The following MFSD6 variants were observed in gnomAD, a reference collection of about 807,000 sequenced individuals.
MFSD6 encodes major facilitator superfamily domain containing 6, also known as major facilitator superfamily domain-containing protein 6.
Under a neutral mutation model 56.3 loss-of-function variants are expected in MFSD6, and 26 were observed. The observed-to-expected ratio is 0.46, with a 90% CI of 0.34 to 0.64. The LOEUF (loss-of-function observed/expected upper bound fraction) is 0.64. MFSD6 is among the 30% of genes least tolerant of loss of function. The probability of loss-of-function intolerance (pLI) is 0.01; values close to 1 mark genes in which losing one functional copy is unlikely to be tolerated. For synonymous variants in MFSD6, 331 were observed against 366.9 expected, an observed-to-expected ratio of 0.90 and a Z score of 1.12; for missense variants, 750 against 986.2, an observed-to-expected ratio of 0.76 and a Z score of 3.21.
chr2:190,440,138 T>C (rs1013722384), intron 3 of MFSD6, among the ~76,000 whole-genome samples: 2 of 152,210 alleles, frequency 1.3e-5, no homozygotes, highest in African/African-American at 2.4e-5. Context: ...TTTTTAGGAG[T>C]TGGCACTACC....
chr2:190,473,417 AAAAG>A (rs1385855063), intron 4 of MFSD6, among the ~76,000 whole-genome samples: 1 of 152,220 alleles, frequency 6.6e-6, no homozygotes, highest in Non-Finnish European at 1.5e-5. Context: ...GGAAAACAAA[AAAAG>A]GCAGGGGTTG....
In MFSD6 at chr2:190,477,900, G is replaced by A. The variant is rs143516251; in HGVS notation, c.1630+8045G>A. Among the ~76,000 whole-genome samples the A allele has an allele frequency of 1.5e-3, 235 of 152,274 alleles. 3 individuals carry two copies. Among genetic ancestry groups the A allele is most frequent in the African/African-American group, 5.1e-3 (213 of 41,574 alleles). ...TCACATAAGCTAGATTCTGAAGGGC[G>A]AATAGGAATCTACCAGGTGGTCTAA... On this transcript the variant is annotated intron_variant, in intron 4 of 7. Transcript: ENST00000392328.
At chr2:190,452,684 G>T (rs941580599) in intron 3 of MFSD6, among the ~76,000 whole-genome samples, 5 of 152,088 alleles carry the variant, frequency 3.3e-5, no homozygotes, top group African/African-American at 1.2e-4. Context: ...CTAATGCCTG[G>T]TATCACTTTT....
chr2:190,475,963 A>C (rs905734047), intron 4 of MFSD6, among the ~76,000 whole-genome samples: 9 of 152,242 alleles, frequency 5.9e-5, no homozygotes, highest in Non-Finnish European at 1.2e-4. Flanking sequence ...AAATAGGGAA[A>C]GGATTCCCTA....
In MFSD6 at chr2:190,438,087, T is replaced by G. The variant is rs181533482; in HGVS notation, c.1532+526T>G. ...TAATCCCTAATTCCATGATATTACA[T>G]GGATGAGGTTCTTAAGTATTTTTTT... On this transcript the variant is annotated intron_variant, in intron 3 of 7. Coordinates refer to ENST00000392328, the MANE Select transcript of MFSD6 (RefSeq NM_017694.4). This position sits in a 1 kb window ranked among gnomAD's most constrained non-coding sequence, Gnocchi z 5.2. 6.6e-6 allele frequency among the ~76,000 whole-genome samples: 1 copy of G among 152,298 alleles called. No homozygotes were observed. The highest frequency in any genetic ancestry group is 2.4e-5 in the African/African-American group (1 of 41,546).
intron 3 of MFSD6, among the ~76,000 whole-genome samples, chr2:190,449,169 T>C (rs1381178456): frequency 1.3e-5 from 2 of 152,156 alleles, no homozygotes; most frequent in Non-Finnish European, 2.9e-5. Flanking sequence ...CAGGTGCAAA[T>C]GCATAGTATG....
At chr2:190,460,738 C>A (rs570079099) in intron 3 of MFSD6, among the ~76,000 whole-genome samples, 9 of 152,276 alleles carry the variant, frequency 5.9e-5, no homozygotes, top group African/African-American at 1.9e-4. Context: ...TGGGTGAGAG[C>A]TGAAGAATAT....
At position 190,426,454 on chromosome 2, in the gene MFSD6, CCTAT is replaced by C. The variant is rs1176192555; in HGVS notation, c.-53-9519_-53-9516del. ...TTTGTTTCAAGCATGTTTATAATTG[CCTAT>C]CTAAGCATTTTTAGGATGGCTTTTT... is the stretch of plus-strand genomic sequence containing the variant. On this transcript the variant is annotated intron_variant, in intron 2 of 7. Coordinates refer to ENST00000392328, the MANE Select transcript of MFSD6 (RefSeq NM_017694.4). This position sits in a 1 kb window ranked among gnomAD's most constrained non-coding sequence, Gnocchi z 4.7. 1.3e-5 allele frequency among the ~76,000 whole-genome samples: 2 copies of C among 151,988 alleles called. No individual in the cohort carries two copies. Among genetic ancestry groups the C allele is most frequent in the African/African-American group, 2.4e-5 (1 of 41,392 alleles).
At chr2:190,442,759 T>G (rs981300290) in intron 3 of MFSD6, 2 of 152,078 alleles carry the variant, frequency 1.3e-5, no homozygotes, top group Non-Finnish European at 2.9e-5. Flanking sequence ...GGTTTGAAAT[T>G]GAAACATCTA....
At position 190,485,984 on chromosome 2, in the gene MFSD6, A is replaced by G. The variant is rs1310100326; in HGVS notation, c.1631-2673A>G. Among the ~76,000 whole-genome samples the G allele has an allele frequency of 6.6e-6, 1 of 152,156 alleles. No individual in the cohort carries two copies. The highest frequency in any genetic ancestry group is 1.9e-4 in the East Asian group (1 of 5,200). ...TCCCTGATAATTTTTTTATTATGCC[A>G]GATATTGTGAATGGTACCTGGTTGG... is the stretch of plus-strand genomic sequence containing the variant. On this transcript the variant is annotated intron_variant, in intron 4 of 7. Coordinates refer to ENST00000392328, the MANE Select transcript of MFSD6 (RefSeq NM_017694.4). The surrounding 1 kb of genome is among the most constrained non-coding windows in gnomAD (Gnocchi z 5.1).
At position 190,491,314 on chromosome 2, in the gene MFSD6, A is replaced by G. The variant is rs1289488161; in HGVS notation, c.1891+1448A>G. ...CTCAGGTGGACCGAGTAGCATGTGG[A>G]GACTTGCATCATGCTTTTGCTCCAG... is the stretch of plus-strand genomic sequence containing the variant. On this transcript the variant is annotated intron_variant, in intron 6 of 7. Transcript: ENST00000392328. This position sits in a 1 kb window ranked among gnomAD's most constrained non-coding sequence, Gnocchi z 4.2. Among the ~76,000 whole-genome samples, 2 of 152,174 alleles carry G rather than the reference A, an allele frequency of 1.3e-5. No homozygotes were observed. Among genetic ancestry groups the G allele is most frequent in the African/African-American group, 4.8e-5 (2 of 41,426 alleles).
At chr2:190,478,426 A>G (rs1412862142) in intron 4 of MFSD6, among the ~76,000 whole-genome samples, 1 of 152,198 alleles carries the variant, frequency 6.6e-6, no homozygotes. Flanking sequence ...TGCCCACCCC[A>G]TGGAAAACAG....
At position 190,497,893 on chromosome 2, in the gene MFSD6, C is replaced by G. The variant is rs530520639; in HGVS notation, c.2172+174C>G. 44 of 708,540 alleles carry G rather than the reference C, an allele frequency of 6.2e-5. No homozygotes were observed. In the South Asian group the frequency reaches 7.5e-4, roughly 12 times the overall value. The allele number at this position is 708,540 out of a possible 1,614,324, so 43.9% of individuals were successfully genotyped here. A position where few individuals can be genotyped will look rare whatever the true frequency, so the allele number is the denominator to read the frequency against. On this transcript the variant is annotated intron_variant, in intron 7 of 7. Coordinates refer to ENST00000392328, the MANE Select transcript of MFSD6 (RefSeq NM_017694.4). The surrounding 1 kb of genome is among the most constrained non-coding windows in gnomAD (Gnocchi z 5.2). ...AGCACTGAGTTAAAGAGGGTGTATA[C>G]AAGGTCCCATAGAGAGAATATTCTG...
rs538230748 is a variant in MFSD6, at chr2:190,449,545, A to G, written c.1532+11984A>G. On this transcript the variant is annotated intron_variant, in intron 3 of 7. Transcript: ENST00000392328. ...AATAGTAATTCATGCTGCTATAAAG[A>G]CACATGCACACATATGACACATATG... is the stretch of plus-strand genomic sequence containing the variant. Among the ~76,000 whole-genome samples, 39 of 152,308 alleles carry G rather than the reference A, an allele frequency of 2.6e-4. 1 individual carries two copies. The South Asian group carries it at 7.9e-3, about 31-fold the overall frequency.
In MFSD6 at chr2:190,436,760, C is replaced by G. The variant is rs766973631; in HGVS notation, c.731C>G (p.Ser244Ter). Residue 244 changes from serine (S) to a stop codon, truncating the protein, a stop_gained, in exon 3 of 8, where the codon TCA becomes TGA. Transcript: ENST00000392328. LOFTEE classifies it high-confidence loss of function. This position sits in a 1 kb window ranked among gnomAD's most constrained non-coding sequence, Gnocchi z 5.3. ...CGTATGATGGACTTGACTTTGAACT[C>G]AAGCACAGCAACCCCTGTCTCCCCA... Reference protein sequence around the residue: ...TNRMMDLTLNSSTATPVSPGS... With the variant: ...TNRMMDLTLN 6.2e-7 allele frequency: 1 copy of G among 1,614,212 alleles called. No homozygotes were observed. Among genetic ancestry groups the G allele is most frequent in the Non-Finnish European group, 8.5e-7 (1 of 1,180,032 alleles).
At chr2:190,477,703 A>C (rs77755933) in intron 4 of MFSD6, among the ~76,000 whole-genome samples, 22,317 of 152,304 alleles carry the variant, frequency 0.15, 1,847 homozygotes, top group Middle Eastern at 0.21. Flanking sequence ...GGTCTCACCA[A>C]CTGTTCTGGA....
intron 2 of MFSD6, among the ~76,000 whole-genome samples, chr2:190,422,727 C>T (rs1449301811): frequency 2.0e-5 from 3 of 152,150 alleles, no homozygotes; most frequent in Non-Finnish European, 4.4e-5. Context: ...TCATTTCACT[C>T]AGACAACTCT....
At chr2:190,450,420 G>A (rs1039416817) in intron 3 of MFSD6, among the ~76,000 whole-genome samples, 8 of 149,314 alleles carry the variant, frequency 5.4e-5, no homozygotes, top group Non-Finnish European at 7.4e-5. Context: ...TTTTTCTGCT[G>A]AAAACATCTT....
intron 3 of MFSD6, among the ~76,000 whole-genome samples, chr2:190,441,808 A>C (rs1308488126): frequency 6.6e-6 from 1 of 151,828 alleles, no homozygotes; most frequent in Admixed American, 6.6e-5. Flanking sequence ...CTCCAACAAC[A>C]TTCTCTCCTC....
Sources: gnomAD v4.1 joint callset for allele counts (sites outside exome capture counted in the v4.1 genomes callset) on GRCh38, gnomAD v4.1.1 for gene constraint, Gnocchi (gnomAD v3.1) non-coding constraint, MANE v1.5 for transcripts, NCBI Gene and HGNC (gene_info 2026-07-23, HGNC 2026-07-21) for gene names.